GALNT13: variants seen among roughly 807,000 people sequenced by gnomAD.
The protein encoded by GALNT13 is polypeptide N-acetylgalactosaminyltransferase 13.
GALNT13 carries 28 observed loss-of-function variants against 64.2 expected under a neutral mutation model. The ratio of observed to expected loss-of-function variants is 0.44; its 90% confidence interval spans 0.32 to 0.60. The LOEUF (loss-of-function observed/expected upper bound fraction) is 0.60. Ranked by LOEUF, GALNT13 falls within the 20% of genes least tolerant of loss-of-function variation. The pLI is 0.05. For missense variants in GALNT13, 577 were observed against 669.8 expected (o/e 0.86, Z 1.53); for synonymous variants, 214 against 224.6 (o/e 0.95, Z 0.42).
chr2:153,562,058 CTCTG>C, the GALNT13 span, among the ~76,000 whole-genome samples: 9 of 87,158 alleles, frequency 1.0e-4, no homozygotes, highest in African/African-American at 3.0e-4. Context: ...CTCTCTCTCT[CTCTG>C]TGTGTGTGTG....
chr2:153,270,584 G>C, the GALNT13 span, among the ~76,000 whole-genome samples: 1 of 152,176 alleles, frequency 6.6e-6, no homozygotes, highest in Non-Finnish European at 1.5e-5. Flanking sequence ...TTTGTGGCCA[G>C]ACATAGTGAC....
the GALNT13 span, among the ~76,000 whole-genome samples, chr2:153,170,200 A>G: frequency 6.6e-6 from 1 of 152,210 alleles, no homozygotes; most frequent in Admixed American, 6.5e-5. Flanking sequence ...AGGTAACAAA[A>G]TAAACCTAAT....
chr2:153,384,948 A>G, the GALNT13 span, among the ~76,000 whole-genome samples: 34 of 152,076 alleles, frequency 2.2e-4, no homozygotes, highest in African/African-American at 7.2e-4. Flanking sequence ...ATATCAAACT[A>G]AAATCATGTG....
At chr2:153,780,963 G>A in the GALNT13 span, among the ~76,000 whole-genome samples, 2 of 152,150 alleles carry the variant, frequency 1.3e-5, no homozygotes, top group Non-Finnish European at 2.9e-5. Flanking sequence ...TAAACTCTAT[G>A]TTAATTTGTT....
chr2:153,201,391 A>C, the GALNT13 span, among the ~76,000 whole-genome samples: 1 of 152,252 alleles, frequency 6.6e-6, no homozygotes, highest in African/African-American at 2.4e-5. Flanking sequence ...GCTAAACAAT[A>C]GATTGATCTG....
the GALNT13 span, among the ~76,000 whole-genome samples, chr2:153,757,535 T>G: frequency 6.6e-6 from 1 of 152,126 alleles, no homozygotes; most frequent in Non-Finnish European, 1.5e-5. Context: ...TGAAATTGTA[T>G]TTTTACTTTT....
At chr2:153,777,421 G>A in the GALNT13 span, among the ~76,000 whole-genome samples, 1 of 152,164 alleles carries the variant, frequency 6.6e-6, no homozygotes, top group Non-Finnish European at 1.5e-5. Context: ...AAAGTCATAT[G>A]TTGAAACTTA....
At chr2:154,403,834 C>G (rs1415110959) in intron 10 of GALNT13, among the ~76,000 whole-genome samples, 1 of 152,168 alleles carries the variant, frequency 6.6e-6, no homozygotes, top group Admixed American at 6.6e-5. Flanking sequence ...CTAACAAACA[C>G]TGCCTCCCTG....
At chr2:153,728,395 C>T in the GALNT13 span, among the ~76,000 whole-genome samples, 1 of 152,192 alleles carries the variant, frequency 6.6e-6, no homozygotes, top group Admixed American at 6.5e-5. Flanking sequence ...TCAACATCCT[C>T]TCCAGCATCT....
At chr2:154,281,662 G>T (rs2105940722) in intron 8 of GALNT13, among the ~76,000 whole-genome samples, 1 of 152,150 alleles carries the variant, frequency 6.6e-6, no homozygotes. Flanking sequence ...GAGATTAAAG[G>T]CTCCATCTGT....
chr2:154,153,672 G>A (rs933708222), intron 4 of GALNT13, among the ~76,000 whole-genome samples: 11 of 152,208 alleles, frequency 7.2e-5, no homozygotes, highest in Non-Finnish European at 1.3e-4. Flanking sequence ...CCACTTTGCA[G>A]TTTGATCTCA....
At chr2:154,443,532 T>C (rs1701411286) in intron 12 of GALNT13, among the ~76,000 whole-genome samples, 1 of 152,062 alleles carries the variant, frequency 6.6e-6, no homozygotes, top group African/African-American at 2.4e-5. Flanking sequence ...TCTTTTACTA[T>C]ACCAACTTTT....
At chr2:153,434,004 G>A in the GALNT13 span, among the ~76,000 whole-genome samples, 3 of 151,560 alleles carry the variant, frequency 2.0e-5, no homozygotes, top group Admixed American at 6.6e-5. Flanking sequence ...AACAGTCCCC[G>A]GTGTGTGATG....
chr2:153,592,530 A>C, the GALNT13 span, among the ~76,000 whole-genome samples: 2 of 152,210 alleles, frequency 1.3e-5, no homozygotes, highest in Non-Finnish European at 2.9e-5. Context: ...GAATGAAATT[A>C]TGTCTTTTGC....
chr2:153,921,188 A>G (rs1689732418), intron 2 of GALNT13, among the ~76,000 whole-genome samples: 1 of 152,206 alleles, frequency 6.6e-6, no homozygotes, highest in Non-Finnish European at 1.5e-5. Flanking sequence ...TATTCATTGC[A>G]GCACCATTCA....
At chr2:153,783,778 A>C in the GALNT13 span, among the ~76,000 whole-genome samples, 1 of 152,114 alleles carries the variant, frequency 6.6e-6, no homozygotes, top group Non-Finnish European at 1.5e-5. Flanking sequence ...TTCAGCTCTC[A>C]TTCTTCTCCT....
At chr2:153,635,402 A>ATATATATATACACATATATATG in the GALNT13 span, among the ~76,000 whole-genome samples, 6,120 of 109,776 alleles carry the variant, frequency 0.056, 731 homozygotes, top group African/African-American at 0.092. Flanking sequence ...AAATATGTAT[A>ATATATATATACACATATATATG]TATATATATA....
the GALNT13 span, among the ~76,000 whole-genome samples, chr2:153,509,761 C>T: frequency 0.01 from 1,546 of 152,300 alleles, 12 homozygotes; most frequent in Non-Finnish European, 0.014. Flanking sequence ...CCATGCAAAG[C>T]TTTGGCCCCT....
In GALNT13 at chr2:153,957,491, G is replaced by A. The variant is rs1288124800; in HGVS notation, c.142+12852G>A. On this transcript the variant is annotated intron_variant, in intron 3 of 12. Transcript: ENST00000392825. ...TAAACTTACTTGAGTAAGACAGTTTGTGGGGGCTAGTAGAAGAAGGTTAGC... is the reference window on the plus strand; with the variant it reads ...TAAACTTACTTGAGTAAGACAGTTTATGGGGGCTAGTAGAAGAAGGTTAGC... Among the ~76,000 whole-genome samples, 5 of 152,326 alleles carry A rather than the reference G, an allele frequency of 3.3e-5. No individual in the cohort carries two copies. In the South Asian group the frequency reaches 1.0e-3, roughly 32 times the overall value.
Sources: gnomAD v4.1 joint callset for allele counts (sites outside exome capture counted in the v4.1 genomes callset) on GRCh38, gnomAD v4.1.1 for gene constraint, MANE v1.5 for transcripts, NCBI Gene and HGNC (gene_info 2026-07-23, HGNC 2026-07-21) for gene names.